XXYLT1: variants seen among roughly 807,000 people sequenced by gnomAD.
XXYLT1 encodes the protein UDP-xylose:alpha-xyloside alpha-1,3-xylosyltransferase.
XXYLT1 carries 20 observed loss-of-function variants against 28.9 expected under a neutral mutation model. The observed-to-expected ratio is 0.69, with a 90% CI of 0.49 to 1.00. XXYLT1 has a LOEUF of 1.00. Among genes scored for constraint, XXYLT1 ranks in the 50% least tolerant of loss-of-function variants. XXYLT1 has a pLI of 0.00. For missense variants in XXYLT1, 542 were observed against 560.1 expected (o/e 0.97, Z 0.33); for synonymous variants, 257 against 253.8 (o/e 1.01, Z -0.12).
At chr3:195,136,717 A>G (rs993803277) in intron 3 of XXYLT1, among the ~76,000 whole-genome samples, 4 of 152,194 alleles carry the variant, frequency 2.6e-5, no homozygotes, top group Admixed American at 2.6e-4. Flanking sequence ...CCTGGCCAGA[A>G]GCACACAAGG....
intron 2 of XXYLT1, among the ~76,000 whole-genome samples, chr3:195,196,522 G>A (rs1722632167): frequency 1.3e-5 from 2 of 152,224 alleles, no homozygotes; most frequent in Admixed American, 6.5e-5. Flanking sequence ...CAGCCTTTCA[G>A]CAACAGATCT....
rs1715262388 is a variant in XXYLT1, at chr3:195,078,735, C to A, written c.786-8624G>T. On this transcript the variant is annotated intron_variant, in intron 3 of 3. Transcript: ENST00000310380. The surrounding 1 kb of genome is among the most constrained non-coding windows in gnomAD (Gnocchi z 5.0). ...ACTCTCCCCAGTCCCCAGGGCTGCA[C>A]ACAGCCCCCCACACTTCCAGAGCTG... is the stretch of plus-strand genomic sequence containing the variant. Among the ~76,000 whole-genome samples the A allele has an allele frequency of 6.6e-6, 1 of 152,146 alleles. No homozygotes were observed.
chr3:195,269,784 C>G (rs1214267226), intron 1 of XXYLT1, among the ~76,000 whole-genome samples: 1 of 152,182 alleles, frequency 6.6e-6, no homozygotes, highest in African/African-American at 2.4e-5. Context: ...ATCAAATAAG[C>G]AATTTGACCT....
intron 3 of XXYLT1, among the ~76,000 whole-genome samples, chr3:195,111,913 G>A (rs745677348): frequency 1.3e-5 from 2 of 152,176 alleles, no homozygotes; most frequent in Non-Finnish European, 2.9e-5. Flanking sequence ...CGCCCCAATC[G>A]TGGAAGCTTG....
At chr3:195,248,185 C>T (rs1050630436) in intron 1 of XXYLT1, among the ~76,000 whole-genome samples, 1 of 152,148 alleles carries the variant, frequency 6.6e-6, no homozygotes, top group Non-Finnish European at 1.5e-5. Context: ...TACTTACAGG[C>T]TTATACTGTT....
chr3:195,220,685 A>G (rs1372771981), intron 2 of XXYLT1, among the ~76,000 whole-genome samples: 1 of 152,164 alleles, frequency 6.6e-6, no homozygotes, highest in Non-Finnish European at 1.5e-5. Flanking sequence ...CACAGCCCCG[A>G]GCAGTACAAT....
At chr3:195,203,368 T>C (rs752504961) in intron 2 of XXYLT1, among the ~76,000 whole-genome samples, 1 of 152,198 alleles carries the variant, frequency 6.6e-6, no homozygotes, top group Non-Finnish European at 1.5e-5. Context: ...CTTAATATTC[T>C]ATAATGATAT....
At chr3:195,225,513 C>G (rs960790636) in intron 2 of XXYLT1, among the ~76,000 whole-genome samples, 2 of 152,214 alleles carry the variant, frequency 1.3e-5, no homozygotes, top group Non-Finnish European at 1.5e-5. Flanking sequence ...CCACTGTCCC[C>G]TGGGCTACCA....
intron 1 of XXYLT1, among the ~76,000 whole-genome samples, chr3:195,253,055 T>G (rs933336188): frequency 6.6e-6 from 1 of 152,182 alleles, no homozygotes; most frequent in Admixed American, 6.5e-5. Context: ...AGCTTTCCAC[T>G]ACCTGGAGAA....
chr3:195,190,338 T>C (rs1722365094), intron 2 of XXYLT1, among the ~76,000 whole-genome samples: 1 of 151,576 alleles, frequency 6.6e-6, no homozygotes, highest in African/African-American at 2.4e-5. Flanking sequence ...CTACCAAAAA[T>C]ACAAAAGTTA....
intron 2 of XXYLT1, among the ~76,000 whole-genome samples, chr3:195,160,383 G>T (rs1383598286): frequency 6.6e-6 from 1 of 152,184 alleles, no homozygotes; most frequent in Non-Finnish European, 1.5e-5. Context: ...ACACATTAGA[G>T]GGCTTTCACT....
At chr3:195,238,432 T>A (rs992328633) in intron 1 of XXYLT1, among the ~76,000 whole-genome samples, 22 of 152,214 alleles carry the variant, frequency 1.4e-4, no homozygotes, top group Non-Finnish European at 2.5e-4. Context: ...GCTCTGTTTC[T>A]CTATCGGCTG....
chr3:195,241,126 C>A (rs1225695384), intron 1 of XXYLT1, among the ~76,000 whole-genome samples: 3 of 152,190 alleles, frequency 2.0e-5, no homozygotes, highest in Non-Finnish European at 2.9e-5. Context: ...AGAAGCAGGG[C>A]GGGTCTTTCA....
chr3:195,237,015 G>T (rs1318478330), intron 1 of XXYLT1, among the ~76,000 whole-genome samples: 6 of 152,134 alleles, frequency 3.9e-5, no homozygotes, highest in Non-Finnish European at 8.8e-5. Context: ...ACAGAAGGAG[G>T]GGGTCTCTTT....
At position 195,102,896 on chromosome 3, in the gene XXYLT1, C is replaced by T. The variant is rs141477184; in HGVS notation, c.786-32785G>A. Among the ~76,000 whole-genome samples the T allele has an allele frequency of 7.5e-3, 1,148 of 152,316 alleles. 7 individuals carry two copies. The highest frequency in any genetic ancestry group is 0.013 in the Non-Finnish European group (893 of 68,044). On this transcript the variant is annotated intron_variant, in intron 3 of 3. Transcript: ENST00000310380. ...TCTTTAGGAATTTCCATATTGTTTT[C>T]CATCATGGCTGTACCAACCTACATT...
intron 1 of XXYLT1, among the ~76,000 whole-genome samples, chr3:195,269,542 C>T (rs903968216): frequency 2.0e-5 from 3 of 152,184 alleles, no homozygotes; most frequent in Non-Finnish European, 4.4e-5. Flanking sequence ...GGACCAGGCT[C>T]ACAACACAAC....
At chr3:195,235,102 C>T (rs981169120) in intron 1 of XXYLT1, among the ~76,000 whole-genome samples, 7 of 151,830 alleles carry the variant, frequency 4.6e-5, no homozygotes, top group African/African-American at 9.7e-5. Context: ...TTTCTTTTCT[C>T]GCTCTCTTGC....
At chr3:195,225,842 C>CT (rs1408228309) in intron 2 of XXYLT1, among the ~76,000 whole-genome samples, 7 of 152,114 alleles carry the variant, frequency 4.6e-5, no homozygotes, top group African/African-American at 1.7e-4. Flanking sequence ...GCTTTTCCCC[C>CT]TTTTCCTTGG....
chr3:195,157,592 C>G (rs1720669907), intron 2 of XXYLT1, among the ~76,000 whole-genome samples: 1 of 152,160 alleles, frequency 6.6e-6, no homozygotes, highest in African/African-American at 2.4e-5. Flanking sequence ...ATTCCCCTAT[C>G]CTTCACCCAG....
Sources: allele counts gnomAD v4.1 joint callset (sites outside exome capture counted in the v4.1 genomes callset), GRCh38; gene constraint gnomAD v4.1.1; non-coding constraint Gnocchi (gnomAD v3.1); transcripts MANE v1.5; gene names NCBI Gene and HGNC (gene_info 2026-07-23, HGNC 2026-07-21).